The following IVNS1ABP variants were observed in gnomAD, a reference collection of about 807,000 sequenced individuals.
The protein encoded by IVNS1ABP is influenza virus NS1A binding protein, also known as influenza virus NS1A-binding protein.
IVNS1ABP carries 25 observed loss-of-function variants against 78.9 expected under a neutral mutation model. The observed-to-expected ratio is 0.32, with a 90% CI of 0.23 to 0.44. The LOEUF is 0.44. IVNS1ABP is among the 20% of genes least tolerant of loss of function. IVNS1ABP has a pLI of 1.00. For missense variants in IVNS1ABP, 494 were observed against 768.9 expected, an observed-to-expected ratio of 0.64 and a Z score of 4.23; for synonymous variants, 241 against 259.7, an observed-to-expected ratio of 0.93 and a Z score of 0.69.
Position 185,305,468 on chromosome 1 carries a change from T to C in IVNS1ABP, c.765+68A>G. ...CCACTTTCCTTTATTAAAGGAAAAT[T>C]TAAGTATGCTATCAAATTCTCTAGT... On this transcript the variant is annotated intron_variant, in intron 8 of 14. Transcript: ENST00000367498. This position sits in a 1 kb window ranked among gnomAD's most constrained non-coding sequence, Gnocchi z 4.0. 6.4e-7 allele frequency: 1 copy of C among 1,567,144 alleles called. No homozygotes were observed. The highest frequency in any genetic ancestry group is 8.7e-7 in the Non-Finnish European group (1 of 1,150,790).
chr1:185,300,483 G>A lies in IVNS1ABP; in HGVS notation c.1196C>T (p.Ala399Val). ...TCGGGCTCTTGGTGTTCTCATGGGAGCAAGAAAGGACCAGTGATCTGTATG... is the reference window on the plus strand; with the variant it reads ...TCGGGCTCTTGGTGTTCTCATGGGAACAAGAAAGGACCAGTGATCTGTATG... ...NPHTDHWSFL[A>V]PMRTPRARFQ... The change falls in exon 11 of 15, where the codon GCT (alanine) becomes GTT (valine). Residue 399 changes from alanine (A) to valine (V), a missense_variant. Ala to Val is a moderately conservative substitution (Grantham distance 64). Coordinates refer to ENST00000367498, the MANE Select transcript of IVNS1ABP (RefSeq NM_006469.5). 5.0e-6 allele frequency: 8 copies of A among 1,613,674 alleles called. No homozygotes were observed. Among genetic ancestry groups the A allele is most frequent in the Non-Finnish European group, 6.8e-6 (8 of 1,179,708 alleles).
Position 185,317,170 on chromosome 1 carries a change from G to A in IVNS1ABP, c.-464C>T, listed in dbSNP as rs1286203923. 2 of 397,736 alleles carry A rather than the reference G, an allele frequency of 5.0e-6. No individual in the cohort carries two copies. The highest frequency in any genetic ancestry group is 2.1e-5 in the African/African-American group (1 of 48,350). The allele number at this position is 397,736 out of a possible 1,614,324, so 24.6% of individuals were successfully genotyped here. ...CTCGCTCGCTCGCCGATACAGCCGC[G>A]CCGAAGCAGCAGGCGGAGAAACTGC... On this transcript the variant is annotated 5_prime_UTR_variant, in exon 1 of 15. Transcript: ENST00000367498.
intron 1 of IVNS1ABP, among the ~76,000 whole-genome samples, chr1:185,315,087 A>G (rs1275335229): frequency 6.6e-6 from 1 of 152,234 alleles, no homozygotes; most frequent in African/African-American, 2.4e-5. Context: ...GCACATGCAC[A>G]TGACATGGTG....
rs1665875591 is a variant in IVNS1ABP, at chr1:185,311,101, T to C, written c.-25A>G. The C allele has an allele frequency of 2.7e-6, 1 of 369,180 alleles. No homozygotes were observed. The highest frequency in any genetic ancestry group is 4.8e-6 in the Non-Finnish European group (1 of 206,944). The allele number at this position is 369,180 out of a possible 1,614,324, so 22.9% of individuals were successfully genotyped here. Reference sequence around the variant, plus strand: ...GCAGAGAACATTCACTTACCTACTCTGTTGGTGGCAAATGTATTTCTGGGA... The same window carrying C: ...GCAGAGAACATTCACTTACCTACTCCGTTGGTGGCAAATGTATTTCTGGGA... On this transcript the variant is annotated 5_prime_UTR_variant, in exon 2 of 15. Transcript: ENST00000367498.
rs185662410 is a variant in IVNS1ABP at position 185,316,686 on chromosome 1, C to A, written c.-247+267G>T. On this transcript the variant is annotated intron_variant, in intron 1 of 14. Coordinates refer to ENST00000367498, the MANE Select transcript of IVNS1ABP (RefSeq NM_006469.5). ...CCGCGCCAGTGTAGCAAAGGGGCTC[C>A]AGCCTCCGCGCTCTCCGAGGCGACC... Among the ~76,000 whole-genome samples the A allele has an allele frequency of 5.0e-3, 758 of 152,296 alleles. 7 individuals carry two copies. The highest frequency in any genetic ancestry group is 0.017 in the African/African-American group (716 of 41,578).
At chr1:185,311,732 T>C (rs1258054976) in intron 1 of IVNS1ABP, among the ~76,000 whole-genome samples, 2 of 152,218 alleles carry the variant, frequency 1.3e-5, no homozygotes, top group Admixed American at 6.5e-5. Flanking sequence ...ATATATACTA[T>C]GTTACTGTTC....
At chr1:185,310,747 G>A (rs1214095969) in intron 2 of IVNS1ABP, among the ~76,000 whole-genome samples, 7 of 151,870 alleles carry the variant, frequency 4.6e-5, no homozygotes, top group African/African-American at 9.7e-5. Context: ...TGGTGGTGGC[G>A]CACACCTGTA....
rs1380696565 is a variant in IVNS1ABP, at chr1:185,309,390, C to T, written c.104G>A (p.Arg35Gln). ...LRKSGQFCDV[R>Q]LQVCGHEMLA... ...GAATTAAGTTTTAAATACCTGAAGT[C>T]GAACATCACAGAACTGGCCACTTTT... is the stretch of plus-strand genomic sequence containing the variant. The change falls in exon 3 of 15, where the codon CGA becomes CAA. Residue 35 changes from arginine to glutamine, a missense_variant. Arg to Gln is a conservative substitution (Grantham distance 43). Transcript: ENST00000367498. 5 of 1,581,936 alleles carry T rather than the reference C, an allele frequency of 3.2e-6. No individual in the cohort carries two copies. The highest frequency in any genetic ancestry group is 2.3e-5 in the East Asian group (1 of 44,426).
At position 185,298,455 on chromosome 1, in the gene IVNS1ABP, G is replaced by C. The variant is rs1354926281; in HGVS notation, c.1676-167C>G. On this transcript the variant is annotated intron_variant, in intron 14 of 14. Transcript: ENST00000367498. This position sits in a 1 kb window ranked among gnomAD's most constrained non-coding sequence, Gnocchi z 4.1. ...GCCTAATATGACAAATACTCTCTAA[G>C]AGCTGGGAATCAAATCAATAAAAAA... The C allele has an allele frequency of 7.8e-6, 5 of 640,640 alleles. No homozygotes were observed. In the African/African-American group the frequency reaches 9.2e-5, roughly 12 times the overall value. 39.7% of individuals were successfully genotyped at this position (640,640 alleles called of 1,614,324 possible). A position where few individuals can be genotyped will look rare whatever the true frequency, so the allele number is the denominator to read the frequency against.
At chr1:185,316,305 G>T (rs1040383232) in intron 1 of IVNS1ABP, among the ~76,000 whole-genome samples, 7 of 151,962 alleles carry the variant, frequency 4.6e-5, no homozygotes, top group African/African-American at 7.3e-5. Flanking sequence ...GTACCGACAC[G>T]TCAGGGCAGC....
At position 185,307,475 on chromosome 1, in the gene IVNS1ABP, A is replaced by G; in HGVS notation, c.531+14T>C. ...CTAGATAGTATATATCTGTTTATAG[A>G]CTTTACTCCTTACCTTTAGCCTTGG... is the stretch of plus-strand genomic sequence containing the variant. On this transcript the variant is annotated intron_variant, in intron 6 of 14. Coordinates refer to ENST00000367498, the MANE Select transcript of IVNS1ABP (RefSeq NM_006469.5). The G allele has an allele frequency of 1.9e-6, 3 of 1,601,172 alleles. No homozygotes were observed. The highest frequency in any genetic ancestry group is 2.6e-6 in the Non-Finnish European group (3 of 1,171,622).
intron 8 of IVNS1ABP, 158 bp from the exon 9 acceptor site, chr1:185,301,721 A>C: frequency 3.0e-6 from 2 of 657,866 alleles, no homozygotes; most frequent in Non-Finnish European, 5.0e-6. Flanking sequence ...AAATGACACA[A>C]ATTACTGGCA....
intron 2 of IVNS1ABP, among the ~76,000 whole-genome samples, chr1:185,309,985 G>A (rs1299583019): frequency 1.3e-5 from 2 of 151,964 alleles, no homozygotes; most frequent in Admixed American, 1.3e-4. Context: ...TGTCTTAAAG[G>A]GCCCCCAATT....
Position 185,300,341 on chromosome 1 carries a change from G to T in IVNS1ABP, c.1245C>A (p.Gly415=). 8 of 1,613,354 alleles carry T rather than the reference G, an allele frequency of 5.0e-6. No homozygotes were observed. Among genetic ancestry groups the T allele is most frequent in the Non-Finnish European group, 6.8e-6 (8 of 1,179,712 alleles). ...RARFQMAVLM[G]QLYVVGGSNG... is the part of the protein sequence containing the mutation. ...TTGATCCACCTACCACATAGAGCTGGCCCTATGCCAAAAGTGAGAGATGAG... is the reference window on the plus strand; with the variant it reads ...TTGATCCACCTACCACATAGAGCTGTCCCTATGCCAAAAGTGAGAGATGAG... Residue 415 remains glycine (G), a splice_region_variant and synonymous_variant, in exon 12 of 15, where the codon GGC becomes GGA. Transcript: ENST00000367498.
At chr1:185,301,597 C>T in intron 8 of IVNS1ABP, 34 bp from the exon 9 acceptor site, 1 of 1,610,890 alleles carries the variant, frequency 6.2e-7, no homozygotes, top group Non-Finnish European at 8.5e-7. Flanking sequence ...AGAAACCTAG[C>T]CAAAGACCAC....
chr1:185,315,356 A>G (rs761957490), intron 1 of IVNS1ABP, among the ~76,000 whole-genome samples: 3 of 152,266 alleles, frequency 2.0e-5, no homozygotes, highest in Non-Finnish European at 4.4e-5. Context: ...TAAAACTAAG[A>G]CTAAAACCTG....
chr1:185,300,531 C>T lies in IVNS1ABP; in HGVS notation c.1148G>A (p.Arg383Gln), dbSNP rs752321106. Residue 383 changes from arginine (R) to glutamine (Q), a missense_variant, in exon 11 of 15, where the codon CGA (arginine) becomes CAA (glutamine). Coordinates refer to ENST00000367498, the MANE Select transcript of IVNS1ABP (RefSeq NM_006469.5). ...ATGTGGATTATAGCATTCGACTGTT[C>T]GAAGACATTCCTCTCTGTTATAGCC... ...AGGYNREECL[R>Q]TVECYNPHTD... 14 of 1,612,990 alleles carry T rather than the reference C, an allele frequency of 8.7e-6. No individual in the cohort carries two copies. The highest frequency in any genetic ancestry group is 2.2e-5 in the East Asian group (1 of 44,878).
chr1:185,298,813 A>G lies in IVNS1ABP; in HGVS notation c.1676-525T>C, dbSNP rs1665490703. 6.5e-6 allele frequency: 1 copy of G among 154,988 alleles called. No homozygotes were observed. The highest frequency in any genetic ancestry group is 1.4e-5 in the Non-Finnish European group (1 of 69,830). 9.6% of individuals were successfully genotyped at this position (154,988 alleles called of 1,614,324 possible). ...GCGGTGGCTCATGCCTATAATCCCA[A>G]TACTATGGGAGCCTGAGGTGGGAGG... On this transcript the variant is annotated intron_variant, in intron 14 of 14. Coordinates refer to ENST00000367498, the MANE Select transcript of IVNS1ABP (RefSeq NM_006469.5). This position sits in a 1 kb window ranked among gnomAD's most constrained non-coding sequence, Gnocchi z 4.1.
At chr1:185,315,199 TAATATC>T (rs1361734169) in intron 1 of IVNS1ABP, among the ~76,000 whole-genome samples, 4 of 152,244 alleles carry the variant, frequency 2.6e-5, no homozygotes, top group Non-Finnish European at 4.4e-5. Flanking sequence ...TACTTCATCT[TAATATC>T]AATTAAGATA....
Sources: allele counts gnomAD v4.1 joint callset (sites outside exome capture counted in the v4.1 genomes callset), GRCh38; gene constraint gnomAD v4.1.1; non-coding constraint Gnocchi (gnomAD v3.1); transcripts MANE v1.5; gene names NCBI Gene and HGNC (gene_info 2026-07-23, HGNC 2026-07-21).